The following MACF1 variants were observed in gnomAD, a reference collection of about 807,000 sequenced individuals.
The protein encoded by MACF1 is microtubule-actin cross-linking factor 1.
Under a neutral mutation model 854.8 loss-of-function variants are expected in MACF1, and 193 were observed. That is an observed-to-expected ratio of 0.23 (90% confidence interval 0.20 to 0.25). The LOEUF (loss-of-function observed/expected upper bound fraction) is 0.25. MACF1 is among the 10% of genes least tolerant of loss of function. MACF1 has a pLI of 1.00. For missense variants in MACF1, 7,722 were observed against 8,929.1 expected (o/e 0.86, Z 5.45); for synonymous variants, 3,185 against 3,226.7 (o/e 0.99, Z 0.44).
intron 2 of MACF1, among the ~76,000 whole-genome samples, chr1:39,122,591 A>G (rs1038154293): frequency 5.9e-5 from 9 of 152,142 alleles, no homozygotes; most frequent in South Asian, 2.1e-4. Flanking sequence ...AACAAAAACT[A>G]TGTCTAAAAT....
chr1:39,239,574 G>A (rs550732154), intron 2 of MACF1, among the ~76,000 whole-genome samples: 5 of 152,196 alleles, frequency 3.3e-5, no homozygotes, highest in Non-Finnish European at 7.3e-5. Flanking sequence ...GAGAAATCTA[G>A]GTTTCTAAAT....
At chr1:39,351,365 C>T (rs1300157926) in intron 43 of MACF1, among the ~76,000 whole-genome samples, 1 of 152,044 alleles carries the variant, frequency 6.6e-6, no homozygotes, top group Non-Finnish European at 1.5e-5. Flanking sequence ...GTTGGCCAGG[C>T]TGGCTAGTCT....
chr1:39,168,396 T>C (rs1643903456), intron 2 of MACF1, among the ~76,000 whole-genome samples: 1 of 152,234 alleles, frequency 6.6e-6, no homozygotes, highest in Admixed American at 6.5e-5. Flanking sequence ...CTTCTGACTC[T>C]TAACTGTGGC....
chr1:39,295,258 G>C, intron 19 of MACF1, 108 bp downstream of exon 19: 3 of 891,378 alleles, frequency 3.4e-6, no homozygotes, highest in Non-Finnish European at 5.4e-6. Context: ...AAGTGTCAGG[G>C]AACATTTGTC....
At chr1:39,241,915 G>T (rs981825806) in intron 2 of MACF1, among the ~76,000 whole-genome samples, 29 of 152,244 alleles carry the variant, frequency 1.9e-4, no homozygotes, top group African/African-American at 7.0e-4. Context: ...TAAACTGAGG[G>T]TATTAGAATT....
In MACF1 at chr1:39,447,778, G is replaced by C; in HGVS notation, c.19848G>C (p.Lys6616Asn). Residue 6616 changes from lysine (K) to asparagine (N), a missense_variant, in exon 82 of 101, where the codon AAG becomes AAC. Lys to Asn is a moderately conservative substitution (Grantham distance 94). Transcript: ENST00000564288. ...ATCAATTAAAGTTCCTTAGCCAAAA[G>C]CAGGATGTTGTTCTGATCAAGAATT... is the stretch of plus-strand genomic sequence containing the variant. ...TGNQLKFLSQ[K>N]QDVVLIKNLL... 1 of 1,614,120 alleles carries C rather than the reference G, an allele frequency of 6.2e-7. No homozygotes were observed. Among genetic ancestry groups the C allele is most frequent in the Non-Finnish European group, 8.5e-7 (1 of 1,180,022 alleles).
intron 97 of MACF1, among the ~76,000 whole-genome samples, chr1:39,475,095 A>T (rs748193765): frequency 6.6e-6 from 1 of 152,168 alleles, no homozygotes; most frequent in Non-Finnish European, 1.5e-5. Context: ...AGTCCCCAAG[A>T]TGTGGTCCTC....
chr1:39,262,104 T>C (rs1645169209), intron 6 of MACF1, among the ~76,000 whole-genome samples: 1 of 151,676 alleles, frequency 6.6e-6, no homozygotes, highest in African/African-American at 2.4e-5. Flanking sequence ...TTAGATAGAG[T>C]GTATGGAAGA....
intron 6 of MACF1, 104 bp from the exon 7 acceptor site, chr1:39,282,104 C>A: frequency 8.4e-7 from 1 of 1,194,166 alleles, no homozygotes; most frequent in Non-Finnish European, 1.2e-6. Flanking sequence ...GTGCTTCCAG[C>A]CTTGGACCTT....
chr1:39,437,350 G>A (rs771332900), intron 70 of MACF1, among the ~76,000 whole-genome samples: 15 of 147,278 alleles, frequency 1.0e-4, no homozygotes, highest in African/African-American at 3.0e-4. Flanking sequence ...TTACTCTGTC[G>A]CCCAGGCTGG....
At chr1:39,123,709 C>CT (rs1376838861) in intron 2 of MACF1, among the ~76,000 whole-genome samples, 29 of 94,426 alleles carry the variant, frequency 3.1e-4, no homozygotes, top group Non-Finnish European at 5.2e-4. Flanking sequence ...CCGGCTAATT[C>CT]TTGTTTTGTT....
At chr1:39,410,473 A>C in intron 58 of MACF1, 2 of 1,614,082 alleles carry the variant, frequency 1.2e-6, no homozygotes, top group Non-Finnish European at 8.5e-7. Context: ...AGGAAGTACT[A>C]TATCCAGCAA....
rs1357935138 is a variant in MACF1, at chr1:39,443,479, C to T, written c.19336C>T (p.Leu6446Phe). The T allele has an allele frequency of 1.2e-6, 2 of 1,613,378 alleles. No homozygotes were observed. The highest frequency in any genetic ancestry group is 1.3e-5 in the African/African-American group (1 of 75,000). ...QGFHSEIEDF[L>F]LELTRMESQL... ...CTTCCACAGTGAAATTGAAGATTTC[C>T]TCTTGGAACTTACTAGAATGGAGAG... The change falls in exon 79 of 101, where the codon CTC becomes TTC. Residue 6446 changes from leucine (L) to phenylalanine (F), a missense_variant. Physicochemically the swap from Leu to Phe is conservative, Grantham distance 22 (BLOSUM62 0). Coordinates refer to ENST00000564288, the MANE Select transcript of MACF1 (RefSeq NM_001394062.1).
At chr1:39,412,048 C>T (rs1643033044) in intron 58 of MACF1, 1 of 1,613,840 alleles carries the variant, frequency 6.2e-7, no homozygotes, top group Non-Finnish European at 8.5e-7. Flanking sequence ...TCTGGATTCA[C>T]TGGAAAAGCT....
intron 22 of MACF1, 108 bp from the exon 23 acceptor site, chr1:39,302,816 T>C (rs1304780474): frequency 9.1e-7 from 1 of 1,093,438 alleles, no homozygotes; most frequent in Non-Finnish European, 1.3e-6. Flanking sequence ...AGATCTTTTC[T>C]TAAGCAGATT....
chr1:39,143,676 C>T (rs945339646), intron 2 of MACF1, among the ~76,000 whole-genome samples: 1 of 152,166 alleles, frequency 6.6e-6, no homozygotes, highest in Non-Finnish European at 1.5e-5. Flanking sequence ...GGGAAAGATC[C>T]AAGGCTCTGG....
rs1648139703 is a variant in MACF1 at position 39,361,008 on chromosome 1, T to A, written c.12453+7T>A. 1.9e-6 allele frequency: 3 copies of A among 1,612,272 alleles called. No individual in the cohort carries two copies. The highest frequency in any genetic ancestry group is 2.5e-6 in the Non-Finnish European group (3 of 1,178,336). On this transcript the variant is annotated splice_region_variant and intron_variant, in intron 48 of 100. Coordinates refer to ENST00000564288, the MANE Select transcript of MACF1 (RefSeq NM_001394062.1). ...AGCCTTAGCCACAAATATGGTAAGATCTGTGTCCCAAGAGCTAGCATAGAG... is the reference window on the plus strand; with the variant it reads ...AGCCTTAGCCACAAATATGGTAAGAACTGTGTCCCAAGAGCTAGCATAGAG...
At chr1:39,348,764 C>A (rs898601690) in intron 41 of MACF1, among the ~76,000 whole-genome samples, 1 of 152,162 alleles carries the variant, frequency 6.6e-6, no homozygotes, top group Non-Finnish European at 1.5e-5. Context: ...CAATGTCATA[C>A]AACTGAGATA....
chr1:39,298,638 T>C (rs1645974587), intron 21 of MACF1: 1 of 436,050 alleles, frequency 2.3e-6, no homozygotes. Context: ...TAAGTTTTTT[T>C]ATTTTTATTT....
Sources: gnomAD v4.1 joint callset for allele counts (sites outside exome capture counted in the v4.1 genomes callset) on GRCh38, gnomAD v4.1.1 for gene constraint, MANE v1.5 for transcripts, NCBI Gene and HGNC (gene_info 2026-07-23, HGNC 2026-07-21) for gene names.